Variants in EPHA6 observed in about 807,000 individuals in gnomAD.
EPHA6 encodes the protein EPH receptor A6.
A neutral mutation model predicts 112.0 loss-of-function variants in EPHA6; 50 were observed. The ratio of observed to expected loss-of-function variants is 0.45; its 90% CI spans 0.36 to 0.56. The LOEUF (loss-of-function observed/expected upper bound fraction) is 0.56. EPHA6 is among the 20% of genes least tolerant of loss of function. The pLI is 0.00. For missense variants in EPHA6, 1,280 were observed against 1,417.4 expected (o/e 0.90, Z 1.56); for synonymous variants, 529 against 490.7 (o/e 1.08, Z -1.03).
intron 2 of EPHA6, among the ~76,000 whole-genome samples, chr3:96,918,740 C>T (rs2039610907): frequency 6.6e-6 from 1 of 151,438 alleles, no homozygotes; most frequent in Non-Finnish European, 1.5e-5. Context: ...TTTTTAAATG[C>T]TTGAGGTATG....
intron 14 of EPHA6, among the ~76,000 whole-genome samples, chr3:97,704,500 C>A (rs559453728): frequency 5.9e-5 from 9 of 152,116 alleles, no homozygotes; most frequent in Non-Finnish European, 1.3e-4. Context: ...TCCCTCTTGC[C>A]GATGACCTAT....
At chr3:97,234,048 T>G (rs2108561184) in intron 4 of EPHA6, among the ~76,000 whole-genome samples, 1 of 152,298 alleles carries the variant, frequency 6.6e-6, no homozygotes, top group East Asian at 1.9e-4. Context: ...TTAAGAGTTT[T>G]ACAGATTTCT....
At chr3:97,673,329 G>A (rs1373220805) in intron 14 of EPHA6, among the ~76,000 whole-genome samples, 4 of 152,278 alleles carry the variant, frequency 2.6e-5, no homozygotes, top group Non-Finnish European at 4.4e-5. Flanking sequence ...GGTGTTACTC[G>A]GGAATGGGAT....
intron 6 of EPHA6, among the ~76,000 whole-genome samples, chr3:97,409,484 G>GT (rs1341755362): frequency 6.6e-6 from 1 of 152,110 alleles, no homozygotes; most frequent in Non-Finnish European, 1.5e-5. Context: ...CACACAGCCA[G>GT]TAAGTGGGTG....
At chr3:97,460,581 G>A (rs1415397188) in intron 7 of EPHA6, among the ~76,000 whole-genome samples, 2 of 152,128 alleles carry the variant, frequency 1.3e-5, no homozygotes, top group Non-Finnish European at 2.9e-5. Context: ...CCCAACTAGT[G>A]GGAGTTCTGC....
chr3:96,948,273 A>G (rs1475946533), intron 2 of EPHA6, among the ~76,000 whole-genome samples: 4 of 152,140 alleles, frequency 2.6e-5, no homozygotes, highest in Non-Finnish European at 5.9e-5. Context: ...TGTATGTTCT[A>G]TGTGTCATTG....
intron 2 of EPHA6, among the ~76,000 whole-genome samples, 179 bp from the exon 3 acceptor site, chr3:96,987,151 C>T (rs565196085): frequency 1.3e-5 from 2 of 152,248 alleles, no homozygotes; most frequent in African/African-American, 4.8e-5. Context: ...GATTCTAGAA[C>T]CTGTACTTTT....
intron 14 of EPHA6, among the ~76,000 whole-genome samples, chr3:97,716,374 C>T (rs1252749140): frequency 8.0e-6 from 1 of 125,772 alleles, no homozygotes; most frequent in Non-Finnish European, 1.5e-5. Flanking sequence ...CGAGACCATC[C>T]TGGCTAACAA....
At chr3:97,140,774 A>G (rs2075879613) in intron 3 of EPHA6, among the ~76,000 whole-genome samples, 1 of 152,172 alleles carries the variant, frequency 6.6e-6, no homozygotes, top group African/African-American at 2.4e-5. Context: ...CACAAATGAG[A>G]CTACAAAGCA....
intron 11 of EPHA6, among the ~76,000 whole-genome samples, chr3:97,548,895 C>A (rs541797468): frequency 6.6e-6 from 1 of 152,234 alleles, no homozygotes; most frequent in African/African-American, 2.4e-5. Flanking sequence ...ATTGCACATA[C>A]GAAGGTGAAG....
At chr3:97,357,983 G>A (rs1054871800) in intron 5 of EPHA6, among the ~76,000 whole-genome samples, 1 of 152,114 alleles carries the variant, frequency 6.6e-6, no homozygotes, top group Non-Finnish European at 1.5e-5. Flanking sequence ...AGATGCAGAA[G>A]ATGTGGACGA....
In EPHA6 at chr3:97,612,325, G is replaced by T. The variant is rs1345546357; in HGVS notation, c.2574+1471G>T. ...TCAAAATGACTCATCATCTAATGAT[G>T]CTTGGGTTAGGTTGGTTTTCTTTTT... On this transcript the variant is annotated intron_variant, in intron 13 of 17. Transcript: ENST00000389672. The T allele has an allele frequency of 1.9e-5, 7 of 373,618 alleles. No individual in the cohort carries two copies. The Admixed American group carries it at 2.1e-4, about 11-fold the overall frequency. The allele number at this position is 373,618 out of a possible 1,614,324, so 23.1% of individuals were successfully genotyped here. A position where few individuals can be genotyped will look rare whatever the true frequency, so the allele number is the denominator to read the frequency against.
chr3:96,867,822 C>T (rs1234813740), intron 2 of EPHA6, among the ~76,000 whole-genome samples: 2 of 151,838 alleles, frequency 1.3e-5, no homozygotes, highest in Non-Finnish European at 2.9e-5. Flanking sequence ...TTGAATTTGA[C>T]ATTTTACAAC....
chr3:97,408,225 C>T (rs561100659), intron 6 of EPHA6, among the ~76,000 whole-genome samples: 7 of 152,156 alleles, frequency 4.6e-5, no homozygotes, highest in East Asian at 1.9e-4. Context: ...AGGGTTCCAC[C>T]TATTAATACT....
chr3:96,942,386 G>A (rs1481274657), intron 2 of EPHA6, among the ~76,000 whole-genome samples: 4 of 152,216 alleles, frequency 2.6e-5, no homozygotes, highest in African/African-American at 9.6e-5. Flanking sequence ...CAATCAGCGT[G>A]ACTCCGTGGG....
intron 14 of EPHA6, among the ~76,000 whole-genome samples, chr3:97,719,191 A>T (rs1365085613): frequency 6.7e-6 from 1 of 149,612 alleles, no homozygotes; most frequent in African/African-American, 2.5e-5. Context: ...AGGGCCAAAG[A>T]ACACACTTTT....
At chr3:97,483,204 T>C (rs1204741556) in intron 9 of EPHA6, among the ~76,000 whole-genome samples, 2 of 152,256 alleles carry the variant, frequency 1.3e-5, no homozygotes, top group African/African-American at 4.8e-5. Context: ...CATTAATGTT[T>C]TCTAGCCATC....
intron 5 of EPHA6, among the ~76,000 whole-genome samples, chr3:97,273,695 T>C (rs552845985): frequency 6.6e-6 from 1 of 152,238 alleles, no homozygotes; most frequent in South Asian, 2.1e-4. Flanking sequence ...AAGGTTTCAC[T>C]GAATACCAAG....
At chr3:97,177,474 G>A (rs982949309) in intron 3 of EPHA6, among the ~76,000 whole-genome samples, 4 of 151,928 alleles carry the variant, frequency 2.6e-5, no homozygotes, top group African/African-American at 9.7e-5. Flanking sequence ...AAAGTGAAGT[G>A]TTGAAGTCTA....
Sources: gnomAD v4.1 joint callset for allele counts (sites outside exome capture counted in the v4.1 genomes callset) on GRCh38, gnomAD v4.1.1 for gene constraint, MANE v1.5 for transcripts, NCBI Gene and HGNC (gene_info 2026-07-23, HGNC 2026-07-21) for gene names.